Variants in DBF4B observed in about 807,000 individuals in gnomAD.
The protein encoded by DBF4B is DBF4B-CDC7 kinase regulatory subunit.
Under a neutral mutation model 53.4 loss-of-function variants are expected in DBF4B, and 49 were observed. The observed-to-expected ratio is 0.92, with a 90% CI of 0.73 to 1.16. The LOEUF (loss-of-function observed/expected upper bound fraction) is 1.16, where lower values mean the gene tolerates loss of function less well. DBF4B is among the 50% of genes most tolerant of loss of function. The probability of loss-of-function intolerance (pLI) is 0.00; values close to 1 mark genes in which losing one functional copy is unlikely to be tolerated. For missense variants in DBF4B, 692 were observed against 775.0 expected, an observed-to-expected ratio of 0.89 and a Z score of 1.27; for synonymous variants, 257 against 288.7, an observed-to-expected ratio of 0.89 and a Z score of 1.11.
chr17:44,712,355 G>A (rs1322330832), intron 2 of DBF4B, among the ~76,000 whole-genome samples: 1 of 119,886 alleles, frequency 8.3e-6, no homozygotes, highest in African/African-American at 3.1e-5. Flanking sequence ...AGGCTGGAGT[G>A]CAGTGGCACA....
In DBF4B at chr17:44,730,883, C is replaced by A. The variant is rs965248914; in HGVS notation, c.418-82C>A. 42 of 1,452,124 alleles carry A rather than the reference C, an allele frequency of 2.9e-5. No individual in the cohort carries two copies. In the African/African-American group the frequency reaches 2.9e-4, roughly 10 times the overall value. The allele number at this position is 1,452,124 out of a possible 1,614,324, so 90.0% of individuals were successfully genotyped here. A position where few individuals can be genotyped will look rare whatever the true frequency, so the allele number is the denominator to read the frequency against. On this transcript the variant is annotated intron_variant, in intron 4 of 13. Coordinates refer to ENST00000315005, the MANE Select transcript of DBF4B (RefSeq NM_145663.3). ...CGAGGGACATAACCCCAAGACATAACCCCTCACCAGCTCCTGTGTAAACAT... is the reference window on the plus strand; with the variant it reads ...CGAGGGACATAACCCCAAGACATAAACCCTCACCAGCTCCTGTGTAAACAT...
chr17:44,738,365 T>A lies in DBF4B; in HGVS notation c.668-14T>A, dbSNP rs762972868. On this transcript the variant is annotated splice_polypyrimidine_tract_variant and intron_variant, in intron 8 of 13. Transcript: ENST00000315005. ...GCAGACAGATAGCTGATGTGTGCATTCTTCCCCTTTCAGTGGCCAGACTGA... is the reference window on the plus strand; with the variant it reads ...GCAGACAGATAGCTGATGTGTGCATACTTCCCCTTTCAGTGGCCAGACTGA... 3.1e-6 allele frequency: 5 copies of A among 1,613,172 alleles called. No individual in the cohort carries two copies.
At chr17:44,722,134 C>G (rs772405033) in intron 2 of DBF4B, among the ~76,000 whole-genome samples, 9 of 139,400 alleles carry the variant, frequency 6.5e-5, no homozygotes, top group Non-Finnish European at 1.1e-4. Context: ...AACTCCGTTT[C>G]AAAAGGGAAA....
At chr17:44,726,559 G>A (rs1974365120) in intron 3 of DBF4B, among the ~76,000 whole-genome samples, 1 of 151,908 alleles carries the variant, frequency 6.6e-6, no homozygotes, top group Admixed American at 6.6e-5. Context: ...ACAGCATCCA[G>A]CTGGCGTTAG....
At position 44,751,016 on chromosome 17, in the gene DBF4B, C is replaced by A; in HGVS notation, c.1611C>A (p.Pro537=). The change falls in exon 14 of 14, where the codon CCC becomes CCA. Residue 537 remains proline (P), a synonymous_variant. Coordinates refer to ENST00000315005, the MANE Select transcript of DBF4B (RefSeq NM_145663.3). Reference sequence around the variant, plus strand: ...TGCATGAGGAAGTTTCCCCTTGCCCCTGTCTCAGACTTGGATACCTTTACC... The same window carrying A: ...TGCATGAGGAAGTTTCCCCTTGCCCATGTCTCAGACTTGGATACCTTTACC... ...TPLHEEVSPC[P]CLRLGYLYLL... 1 of 1,614,148 alleles carries A rather than the reference C, an allele frequency of 6.2e-7. No individual in the cohort carries two copies. The highest frequency in any genetic ancestry group is 8.5e-7 in the Non-Finnish European group (1 of 1,179,994).
intron 6 of DBF4B, 179 bp from the exon 7 acceptor site, chr17:44,733,911 A>G: frequency 1.7e-6 from 1 of 598,560 alleles, no homozygotes. Context: ...TAGAGGACCC[A>G]GTCCTTAACC....
Position 44,708,812 on chromosome 17 carries a change from C to T in DBF4B, c.-9C>T, listed in dbSNP as rs768159132. 12 of 1,550,948 alleles carry T rather than the reference C, an allele frequency of 7.7e-6. No homozygotes were observed. Among genetic ancestry groups the T allele is most frequent in the South Asian group, 2.4e-5 (2 of 83,958 alleles). On this transcript the variant is annotated 5_prime_UTR_variant, in exon 1 of 14. Coordinates refer to ENST00000315005, the MANE Select transcript of DBF4B (RefSeq NM_145663.3). ...AGGAGTACGGAGGCCGAGAAGGAGC[C>T]GGCATTTGATGAGCGAACCGGGAAA... is the stretch of plus-strand genomic sequence containing the variant.
At chr17:44,715,910 C>T (rs902699677) in intron 2 of DBF4B, among the ~76,000 whole-genome samples, 1 of 149,154 alleles carries the variant, frequency 6.7e-6, no homozygotes, top group Admixed American at 6.7e-5. Flanking sequence ...GCAACCTCCC[C>T]CTCCCAGGTT....
At chr17:44,725,681 C>CTTTTTTTTTTTTTTTTTT (rs1568172432) in intron 3 of DBF4B, among the ~76,000 whole-genome samples, 1 of 79,096 alleles carries the variant, frequency 1.3e-5, no homozygotes, top group African/African-American at 7.5e-5. Context: ...TTTTTTTGTG[C>CTTTTTTTTTTTTTTTTTT]TTCTTTTTTT....
At chr17:44,733,975 C>G in intron 6 of DBF4B, 115 bp from the exon 7 acceptor site, 3 of 817,998 alleles carry the variant, frequency 3.7e-6, no homozygotes, top group Non-Finnish European at 6.2e-6. Flanking sequence ...GCAGGCAAGG[C>G]TGGAGTGATT....
chr17:44,746,722 G>A (rs1976633192), intron 10 of DBF4B, among the ~76,000 whole-genome samples: 1 of 151,938 alleles, frequency 6.6e-6, no homozygotes, highest in Non-Finnish European at 1.5e-5. Flanking sequence ...TGGAGGCTAA[G>A]GCAGGAGAAT....
chr17:44,738,930 C>T (rs1301989253), intron 9 of DBF4B, among the ~76,000 whole-genome samples: 2 of 152,226 alleles, frequency 1.3e-5, no homozygotes, highest in Admixed American at 6.5e-5. Context: ...TTTTCTGGCT[C>T]ATGTTACCTC....
Position 44,750,923 on chromosome 17 carries a change from A to C in DBF4B, c.1518A>C (p.Ala506=). The stretch of plus-strand genomic sequence containing the variant: ...AAGCCAGACCGTGGCTTATGTCTGC[A>C]CGCTGCTGGGTTCGTCCCTTTCCTT... ...FPEARPWLMS[A]RCWVRPFPFV... is the part of the protein sequence containing the mutation. Residue 506 remains alanine (A), a synonymous_variant, in exon 14 of 14, where the codon GCA becomes GCC. Coordinates refer to ENST00000315005, the MANE Select transcript of DBF4B (RefSeq NM_145663.3). The C allele has an allele frequency of 6.2e-7, 1 of 1,614,172 alleles. No homozygotes were observed. Among genetic ancestry groups the C allele is most frequent in the South Asian group, 1.1e-5 (1 of 91,086 alleles).
At chr17:44,713,652 AAAAC>A (rs1000131807) in intron 2 of DBF4B, among the ~76,000 whole-genome samples, 18 of 152,124 alleles carry the variant, frequency 1.2e-4, no homozygotes, top group African/African-American at 2.9e-4. Context: ...CCGTCTCAAA[AAAAC>A]AAACAAACAA....
At chr17:44,723,657 G>T (rs1486822266) in intron 3 of DBF4B, among the ~76,000 whole-genome samples, 1 of 151,902 alleles carries the variant, frequency 6.6e-6, no homozygotes, top group Non-Finnish European at 1.5e-5. Flanking sequence ...TGCTCAGGAG[G>T]CTAAGGCAGG....
chr17:44,731,299 A>C (rs1974810651), intron 5 of DBF4B: 2 of 362,008 alleles, frequency 5.5e-6, no homozygotes, highest in Non-Finnish European at 5.3e-6. Flanking sequence ...CTGGGTACAG[A>C]AGCCAGACTT....
chr17:44,714,693 CTAT>C (rs1388517700), intron 2 of DBF4B, among the ~76,000 whole-genome samples: 1 of 151,904 alleles, frequency 6.6e-6, no homozygotes, highest in African/African-American at 2.4e-5. Context: ...ATTTCTATTG[CTAT>C]TATTGTCAAA....
intron 2 of DBF4B, among the ~76,000 whole-genome samples, chr17:44,720,807 A>G (rs2144824267): frequency 6.6e-6 from 1 of 151,718 alleles, no homozygotes; most frequent in East Asian, 1.9e-4. Flanking sequence ...CATTCCCTCC[A>G]GAAGTATATG....
In DBF4B at chr17:44,747,207, A is replaced by G. The variant is rs2049125144; in HGVS notation, c.939+16A>G. The G allele has an allele frequency of 6.2e-7, 1 of 1,612,930 alleles. No homozygotes were observed. Among genetic ancestry groups the G allele is most frequent in the Admixed American group, 1.7e-5 (1 of 60,002 alleles). On this transcript the variant is annotated intron_variant, in intron 11 of 13. Coordinates refer to ENST00000315005, the MANE Select transcript of DBF4B (RefSeq NM_145663.3). Reference sequence around the variant, plus strand: ...GCTCCATGTGGTGAGCCCCTTCCCCATTAAGCAGCTGCTCCCAGAGTGCCC... The same window carrying G: ...GCTCCATGTGGTGAGCCCCTTCCCCGTTAAGCAGCTGCTCCCAGAGTGCCC...
Sources: allele counts gnomAD v4.1 joint callset (sites outside exome capture counted in the v4.1 genomes callset), GRCh38; gene constraint gnomAD v4.1.1; transcripts MANE v1.5; gene names NCBI Gene and HGNC (gene_info 2026-07-23, HGNC 2026-07-21).